NR3C2: variants seen among roughly 807,000 people sequenced by gnomAD.
NR3C2 encodes the protein mineralocorticoid receptor.
NR3C2 carries 15 observed loss-of-function variants against 86.4 expected under a neutral mutation model. The ratio of observed to expected loss-of-function variants is 0.17; its 90% CI spans 0.12 to 0.27. The LOEUF is 0.27. Among genes scored for constraint, NR3C2 ranks in the 10% least tolerant of loss-of-function variants. NR3C2 has a pLI of 1.00. For synonymous variants in NR3C2, 458 were observed against 450.5 expected (o/e 1.02, Z -0.21); for missense variants, 960 against 1,195.6 (o/e 0.80, Z 2.91).
intron 2 of NR3C2, among the ~76,000 whole-genome samples, chr4:148,386,587 C>T (rs536441823): frequency 6.6e-6 from 1 of 152,270 alleles, no homozygotes; most frequent in Admixed American, 6.5e-5. Flanking sequence ...CATTTTAGAG[C>T]TGAAAGGAGG....
chr4:148,104,607 G>C (rs564469957), intron 8 of NR3C2, among the ~76,000 whole-genome samples: 3 of 152,134 alleles, frequency 2.0e-5, no homozygotes, highest in Non-Finnish European at 4.4e-5. Flanking sequence ...GGTACTACCA[G>C]CTCTGGGTAC....
intron 4 of NR3C2, among the ~76,000 whole-genome samples, chr4:148,164,741 C>T (rs1226609698): frequency 6.6e-6 from 1 of 152,146 alleles, no homozygotes; most frequent in Non-Finnish European, 1.5e-5. Flanking sequence ...TAAATAGACT[C>T]ATTAAGAATG....
chr4:148,433,051 G>T (rs1057101268), intron 2 of NR3C2, among the ~76,000 whole-genome samples: 1 of 152,134 alleles, frequency 6.6e-6, no homozygotes, highest in African/African-American at 2.4e-5. Flanking sequence ...TACTCAAGAG[G>T]AGACACAAGA....
intron 2 of NR3C2, among the ~76,000 whole-genome samples, chr4:148,361,958 C>T (rs1308961003): frequency 6.6e-6 from 1 of 152,180 alleles, no homozygotes; most frequent in Non-Finnish European, 1.5e-5. Flanking sequence ...CCGCCTCAGC[C>T]TCCCAGGTAG....
chr4:148,323,740 G>A (rs1008548948), intron 2 of NR3C2, among the ~76,000 whole-genome samples: 5 of 152,098 alleles, frequency 3.3e-5, no homozygotes, highest in Non-Finnish European at 5.9e-5. Context: ...GCTTCGGCTC[G>A]CACACGGTGC....
intron 2 of NR3C2, among the ~76,000 whole-genome samples, chr4:148,323,905 T>C (rs1743802301): frequency 6.6e-6 from 1 of 152,084 alleles, no homozygotes; most frequent in East Asian, 1.9e-4. Flanking sequence ...GCTCCTCCCC[T>C]CTATCTCATT....
chr4:148,327,769 G>T (rs1005431842), intron 2 of NR3C2, among the ~76,000 whole-genome samples: 1 of 152,100 alleles, frequency 6.6e-6, no homozygotes, highest in Non-Finnish European at 1.5e-5. Context: ...GAAATTGTTT[G>T]GTCTCATCTC....
At chr4:148,377,315 G>A (rs1299053119) in intron 2 of NR3C2, among the ~76,000 whole-genome samples, 1 of 152,204 alleles carries the variant, frequency 6.6e-6, no homozygotes, top group African/African-American at 2.4e-5. Flanking sequence ...GAGGGCACTA[G>A]CCTGTGGCTA....
chr4:148,283,214 T>TG (rs1239355290), intron 2 of NR3C2, among the ~76,000 whole-genome samples: 1 of 152,066 alleles, frequency 6.6e-6, no homozygotes, highest in African/African-American at 2.4e-5. Flanking sequence ...TGCCTAAGAG[T>TG]GGGGTCAGGT....
intron 4 of NR3C2, among the ~76,000 whole-genome samples, chr4:148,162,750 G>T (rs1054546747): frequency 6.6e-6 from 1 of 152,146 alleles, no homozygotes; most frequent in South Asian, 2.1e-4. Flanking sequence ...CAGTGGTGAG[G>T]CAGAGAGGTG....
rs78553525 is a variant in NR3C2 at position 148,161,036 on chromosome 4, A to G, written c.2015-6135T>C. 1.7e-3 allele frequency among the ~76,000 whole-genome samples: 253 copies of G among 152,288 alleles called. 8 individuals carry two copies. The East Asian group carries it at 0.047, about 28-fold the overall frequency. ...TTAAGAACTAATTTGCACTAATAGG[A>G]AAAAGATCATCTAAATCAATCCCAA... On this transcript the variant is annotated intron_variant, in intron 4 of 8. Transcript: ENST00000358102.
At chr4:148,246,149 T>C (rs1219317020) in intron 3 of NR3C2, among the ~76,000 whole-genome samples, 1 of 152,140 alleles carries the variant, frequency 6.6e-6, no homozygotes, top group East Asian at 1.9e-4. Flanking sequence ...CATGAGACTA[T>C]ATGAGGCCAT....
At chr4:148,274,300 A>G (rs1008225763) in intron 2 of NR3C2, among the ~76,000 whole-genome samples, 2 of 152,222 alleles carry the variant, frequency 1.3e-5, no homozygotes, top group African/African-American at 2.4e-5. Flanking sequence ...TTTAGTCAGC[A>G]AATTTACCTC....
chr4:148,194,693 G>T, intron 4 of NR3C2, 53 bp downstream of exon 4: 3 of 1,149,736 alleles, frequency 2.6e-6, no homozygotes, highest in Non-Finnish European at 3.9e-6. Flanking sequence ...AGATCTTAGT[G>T]CTGTTGCATT....
In NR3C2 at chr4:148,209,688, T is replaced by A. The variant is rs371394650; in HGVS notation, c.1898-14826A>T. ...GACTCATTGATTTTAGAGTCCTATA[T>A]AACAAAACCACCAGCTGATTTTTAG... is the stretch of plus-strand genomic sequence containing the variant. On this transcript the variant is annotated intron_variant, in intron 3 of 8. Transcript: ENST00000358102. 2.0e-4 allele frequency among the ~76,000 whole-genome samples: 30 copies of A among 152,304 alleles called. No individual in the cohort carries two copies. In the South Asian group the frequency reaches 3.1e-3, roughly 16 times the overall value.
chr4:148,083,953 CAAGAAAAGAAGATGA>C (rs1372775476), intron 8 of NR3C2, among the ~76,000 whole-genome samples: 1 of 151,522 alleles, frequency 6.6e-6, no homozygotes, highest in Non-Finnish European at 1.5e-5. Context: ...AGGAATAAAG[CAAGAAAAGAAGATGA>C]GAGAAAAAAG....
intron 6 of NR3C2, among the ~76,000 whole-genome samples, chr4:148,138,619 A>T (rs1733461997): frequency 6.6e-6 from 1 of 152,178 alleles, no homozygotes; most frequent in Non-Finnish European, 1.5e-5. Context: ...CCTGAGCTCA[A>T]GCAATCTGCC....
intron 4 of NR3C2, among the ~76,000 whole-genome samples, chr4:148,186,759 C>A (rs56152757): frequency 6.7e-6 from 1 of 148,732 alleles, no homozygotes; most frequent in African/African-American, 2.5e-5. Context: ...TTATCCCTTA[C>A]CCCCCTCCCA....
At chr4:148,298,318 G>A (rs1047503018) in intron 2 of NR3C2, among the ~76,000 whole-genome samples, 3 of 152,114 alleles carry the variant, frequency 2.0e-5, no homozygotes, top group South Asian at 4.1e-4. Flanking sequence ...ATTCTAGAAA[G>A]TGAAAAACTA....
Sources: allele counts gnomAD v4.1 joint callset (sites outside exome capture counted in the v4.1 genomes callset), GRCh38; gene constraint gnomAD v4.1.1; transcripts MANE v1.5; gene names NCBI Gene and HGNC (gene_info 2026-07-23, HGNC 2026-07-21).